The following LZTS1 variants were observed in gnomAD, a reference collection of about 807,000 sequenced individuals.
LZTS1 encodes the protein leucine zipper putative tumor suppressor 1.
In LZTS1, 31 loss-of-function variants were observed where a neutral mutation model predicts 45.8. The ratio of observed to expected loss-of-function variants is 0.68; its 90% CI spans 0.51 to 0.91. The LOEUF (loss-of-function observed/expected upper bound fraction) is 0.91, where lower values mean the gene tolerates loss of function less well. Among genes scored for constraint, LZTS1 ranks in the 40% least tolerant of loss-of-function variants. The probability of loss-of-function intolerance (pLI) is 0.00; values close to 1 mark genes in which losing one functional copy is unlikely to be tolerated. For missense variants in LZTS1, 821 were observed against 788.9 expected (o/e 1.04, Z -0.49); for synonymous variants, 359 against 357.3 (o/e 1.00, Z -0.05).
intron 1 of LZTS1, among the ~76,000 whole-genome samples, chr8:20,261,295 A>C (rs2128894301): frequency 6.6e-6 from 1 of 152,242 alleles, no homozygotes; most frequent in South Asian, 2.1e-4. Context: ...TTAGACCTTA[A>C]GAGAAGAGAG....
At chr8:20,299,357 G>C (rs968772919) in intron 1 of LZTS1, among the ~76,000 whole-genome samples, 1 of 152,204 alleles carries the variant, frequency 6.6e-6, no homozygotes, top group Non-Finnish European at 1.5e-5. Context: ...CTCCTGCTGA[G>C]AAACTGCTGT....
At position 20,250,201 on chromosome 8, in the gene LZTS1, C is replaced by T. The variant is rs1160959712; in HGVS notation, c.1312G>A (p.Gly438Ser). 6.2e-7 allele frequency: 1 copy of T among 1,611,480 alleles called. No individual in the cohort carries two copies. Among genetic ancestry groups the T allele is most frequent in the Non-Finnish European group, 8.5e-7 (1 of 1,179,640 alleles). Residue 438 changes from glycine (G) to serine (S), a missense_variant, in exon 4 of 4, where the codon GGC becomes AGC. Coordinates refer to ENST00000381569, the MANE Select transcript of LZTS1 (RefSeq NM_021020.5). ...TCCAGGCCCTTGGTGCGCAGGGCGC[C>T]CTCCAGGTCCTGGGTCCTCAGCTCC... ...GLELRTQDLE[G>S]ALRTKGLELE...
At position 20,253,106 on chromosome 8, in the gene LZTS1, G is replaced by A. The variant is rs138065242; in HGVS notation, c.825C>T (p.Gly275=). ...AGCTGCGCTGCAGCTTCTGGAGGGC[G>A]CCCTCCCTCTCCAACAGCTTCTGCT... ...ELEQKLLERE[G]ALQKLQRSFE... The change falls in exon 3 of 4, where the codon GGC becomes GGT. Residue 275 remains glycine, a synonymous_variant. Transcript: ENST00000381569. 6.5e-5 allele frequency: 104 copies of A among 1,610,792 alleles called. No individual in the cohort carries two copies. Among genetic ancestry groups the A allele is most frequent in the Middle Eastern group, 1.7e-4 (1 of 6,054 alleles).
intron 3 of LZTS1, among the ~76,000 whole-genome samples, chr8:20,252,081 C>T (rs1460350441): frequency 1.3e-5 from 2 of 152,104 alleles, no homozygotes; most frequent in African/African-American, 4.8e-5. Flanking sequence ...CATGAGTCAT[C>T]CAGACCACCA....
At position 20,252,805 on chromosome 8, in the gene LZTS1, C is replaced by A. The variant is rs371854944; in HGVS notation, c.1126G>T (p.Ala376Ser). 4 of 1,529,360 alleles carry A rather than the reference C, an allele frequency of 2.6e-6. No individual in the cohort carries two copies. Among genetic ancestry groups the A allele is most frequent in the Non-Finnish European group, 3.5e-6 (4 of 1,137,606 alleles). The allele number at this position is 1,529,360 out of a possible 1,614,324, so 94.7% of individuals were successfully genotyped here. The change falls in exon 3 of 4, where the codon GCG becomes TCG. Residue 376 changes from alanine (A) to serine (S), a missense_variant. Transcript: ENST00000381569. ...YEREKTSFGPALEETQWEVCQ... is the reference protein window; with the variant it reads ...YEREKTSFGPSLEETQWEVCQ... ...ACCTCCCACTGGGTCTCCTCCAGCGCGGGGCCGAAGCTGGTCTTCTCCCTC... is the reference window on the plus strand; with the variant it reads ...ACCTCCCACTGGGTCTCCTCCAGCGAGGGGCCGAAGCTGGTCTTCTCCCTC...
intron 1 of LZTS1, among the ~76,000 whole-genome samples, chr8:20,257,230 C>T (rs148748757): frequency 2.7e-4 from 41 of 152,122 alleles, no homozygotes; most frequent in African/African-American, 7.7e-4. Flanking sequence ...CATGGTGGCA[C>T]GCACCTGTAG....
At chr8:20,277,916 G>A (rs1038122734) in intron 1 of LZTS1, among the ~76,000 whole-genome samples, 1 of 152,160 alleles carries the variant, frequency 6.6e-6, no homozygotes, top group Non-Finnish European at 1.5e-5. Flanking sequence ...TGTGTGTGTG[G>A]AAACACTCCC....
intron 1 of LZTS1, among the ~76,000 whole-genome samples, chr8:20,268,727 C>T (rs987449478): frequency 6.7e-6 from 1 of 149,862 alleles, no homozygotes; most frequent in Non-Finnish European, 1.5e-5. Context: ...ACGTGGGCAA[C>T]ATGAGGAGGG....
At chr8:20,261,045 T>C (rs1800217781) in intron 1 of LZTS1, among the ~76,000 whole-genome samples, 1 of 152,188 alleles carries the variant, frequency 6.6e-6, no homozygotes, top group Admixed American at 6.5e-5. Flanking sequence ...CAACCTGCTG[T>C]CTCTGCCCTC....
At chr8:20,256,062 A>C (rs574113586) in intron 1 of LZTS1, among the ~76,000 whole-genome samples, 12 of 86,908 alleles carry the variant, frequency 1.4e-4, no homozygotes, top group Middle Eastern at 6.0e-3. Context: ...GCCTGACTCA[A>C]AAAAAAAAAA....
In LZTS1 at chr8:20,250,067, G is replaced by A. The variant is rs141557738; in HGVS notation, c.1446C>T (p.Ala482=). 2.1e-4 allele frequency: 334 copies of A among 1,607,368 alleles called. No individual in the cohort carries two copies. In the African/African-American group the frequency reaches 4.1e-3, roughly 20 times the overall value. Residue 482 remains alanine, a synonymous_variant, in exon 4 of 4, where the codon GCC becomes GCT. Coordinates refer to ENST00000381569, the MANE Select transcript of LZTS1 (RefSeq NM_021020.5). ...GCGGCCCCATGTCGCGGGCCAGGGC[G>A]GCCTGGGCCCGCAGCTCCTGCAGCT... ...EQELQELRAQ[A]ALARDMGPPT...
chr8:20,252,977 C>T lies in LZTS1; in HGVS notation c.954G>A (p.Lys318=). The T allele has an allele frequency of 6.3e-7, 1 of 1,587,420 alleles. No homozygotes were observed. Among genetic ancestry groups the T allele is most frequent in the African/African-American group, 1.3e-5 (1 of 74,232 alleles). Residue 318 remains lysine, a synonymous_variant, in exon 3 of 4, where the codon AAG becomes AAA. Transcript: ENST00000381569. ...GPEPKGGNKL[K]QASQKSQRAQ... is the part of the protein sequence containing the mutation. ...CGCGCTGGCTCTTCTGCGAGGCCTGCTTGAGCTTGTTGCCGCCTTTGGGCT... is the reference window on the plus strand; with the variant it reads ...CGCGCTGGCTCTTCTGCGAGGCCTGTTTGAGCTTGTTGCCGCCTTTGGGCT...
chr8:20,285,045 C>T (rs1406016674), intron 1 of LZTS1, among the ~76,000 whole-genome samples: 1 of 152,228 alleles, frequency 6.6e-6, no homozygotes, highest in Non-Finnish European at 1.5e-5. Flanking sequence ...AAAGAGCTCA[C>T]AGGTGGTGAC....
rs997135975 is a variant in LZTS1, at chr8:20,246,746, G to A, written c.*2976C>T. The A allele has an allele frequency of 3.3e-5, 5 of 152,644 alleles. No homozygotes were observed. Among genetic ancestry groups the A allele is most frequent in the African/African-American group, 1.2e-4 (5 of 41,452 alleles). The allele number at this position is 152,644 out of a possible 1,614,324, so 9.5% of individuals were successfully genotyped here. A position where few individuals can be genotyped will look rare whatever the true frequency, so the allele number is the denominator to read the frequency against. On this transcript the variant is annotated 3_prime_UTR_variant, in exon 4 of 4. Coordinates refer to ENST00000381569, the MANE Select transcript of LZTS1 (RefSeq NM_021020.5). ...ACAGTCCAGTCGTTCCCAGGTCCAGGGGCAGAGTCCGATCCTTGGTGAGGT... is the reference window on the plus strand; with the variant it reads ...ACAGTCCAGTCGTTCCCAGGTCCAGAGGCAGAGTCCGATCCTTGGTGAGGT...
rs187066965 is a variant in LZTS1, at chr8:20,300,553, C to T, written c.-135+3187G>A. Among the ~76,000 whole-genome samples, 634 of 152,086 alleles carry T rather than the reference C, an allele frequency of 4.2e-3. 2 individuals are homozygous for T. Among genetic ancestry groups the T allele is most frequent in the Non-Finnish European group, 6.7e-3 (455 of 68,002 alleles). On this transcript the variant is annotated intron_variant, in intron 1 of 3. Coordinates refer to ENST00000381569, the MANE Select transcript of LZTS1 (RefSeq NM_021020.5). Reference sequence around the variant, plus strand: ...TTCACCGTGTTAGCCAGGATGGTCTCGATCTCCTGACCTCGTGATCCACCT... The same window carrying T: ...TTCACCGTGTTAGCCAGGATGGTCTTGATCTCCTGACCTCGTGATCCACCT...
intron 1 of LZTS1, among the ~76,000 whole-genome samples, chr8:20,286,173 T>A (rs1177289012): frequency 6.6e-6 from 1 of 152,182 alleles, no homozygotes; most frequent in Admixed American, 6.5e-5. Context: ...TTTTTCTTCA[T>A]CAAAGGTCTC....
chr8:20,249,437 C>G lies in LZTS1; in HGVS notation c.*285G>C, dbSNP rs1799821440. ...AGAGGATATCTATTTCGAACAAAGG[C>G]CAAAGTTTAGGGAGCCCTTAACCAA... On this transcript the variant is annotated 3_prime_UTR_variant, in exon 4 of 4. Coordinates refer to ENST00000381569, the MANE Select transcript of LZTS1 (RefSeq NM_021020.5). 2.6e-6 allele frequency: 1 copy of G among 390,540 alleles called. No individual in the cohort carries two copies. The highest frequency in any genetic ancestry group is 2.0e-5 in the African/African-American group (1 of 49,408). The allele number at this position is 390,540 out of a possible 1,614,324, so 24.2% of individuals were successfully genotyped here.
intron 1 of LZTS1, among the ~76,000 whole-genome samples, chr8:20,299,181 G>C (rs1183520251): frequency 6.6e-6 from 1 of 152,182 alleles, no homozygotes; most frequent in Non-Finnish European, 1.5e-5. Flanking sequence ...CTCTGGCTAA[G>C]GTTCTTGGAA....
chr8:20,277,110 G>C (rs552739436), intron 1 of LZTS1, among the ~76,000 whole-genome samples: 2 of 152,350 alleles, frequency 1.3e-5, no homozygotes, highest in South Asian at 2.1e-4. Context: ...GATAAAACAG[G>C]CTGTGGTAAA....
Sources: allele counts gnomAD v4.1 joint callset (sites outside exome capture counted in the v4.1 genomes callset), GRCh38; gene constraint gnomAD v4.1.1; transcripts MANE v1.5; gene names NCBI Gene and HGNC (gene_info 2026-07-23, HGNC 2026-07-21).